Variants in GRIN2B observed in about 807,000 individuals in gnomAD.
GRIN2B encodes the protein glutamate ionotropic receptor NMDA type subunit 2B.
GRIN2B carries 5 observed loss-of-function variants against 114.5 expected under a neutral mutation model. That is an observed-to-expected ratio of 0.04 (90% CI 0.02 to 0.09). The LOEUF is 0.09. GRIN2B is among the 10% of genes least tolerant of loss of function. The probability of loss-of-function intolerance (pLI) is 1.00; values close to 1 mark genes in which losing one functional copy is unlikely to be tolerated. For synonymous variants in GRIN2B, 787 were observed against 745.1 expected, an observed-to-expected ratio of 1.06 and a Z score of -0.92; for missense variants, 1,108 against 1,943.5, an observed-to-expected ratio of 0.57 and a Z score of 8.08.
In GRIN2B at chr12:13,564,445, G is replaced by A; in HGVS notation, c.2793C>T (p.Val931=). Residue 931 remains valine, a synonymous_variant, in exon 14 of 14, where the codon GTC becomes GTT. Transcript: ENST00000609686. This position sits in a 1 kb window ranked among gnomAD's most constrained non-coding sequence, Gnocchi z 4.8. ...ALDFIRRESS[V]YDISEHRRSF... The stretch of plus-strand genomic sequence containing the variant: ...TGCGGCGGTGCTCTGAGATGTCATA[G>A]ACGGATGACTCCCGTCGGATGAAGT... 1 of 1,614,240 alleles carries A rather than the reference G, an allele frequency of 6.2e-7. No homozygotes were observed. The highest frequency in any genetic ancestry group is 8.5e-7 in the Non-Finnish European group (1 of 1,180,032).
intron 8 of GRIN2B, among the ~76,000 whole-genome samples, chr12:13,614,422 T>G (rs2136478398): frequency 6.6e-6 from 1 of 152,246 alleles, no homozygotes; most frequent in Non-Finnish European, 1.5e-5. Flanking sequence ...TTCCAACCCC[T>G]CATTCCATGG....
At position 13,546,329 on chromosome 12, in the gene GRIN2B, A is replaced by G. The variant is rs1295094172; in HGVS notation, c.*16454T>C. On this transcript the variant is annotated 3_prime_UTR_variant, in exon 14 of 14. Coordinates refer to ENST00000609686, the MANE Select transcript of GRIN2B (RefSeq NM_000834.5). ...GAAGAATCGAGCTACAATGCTTATC[A>G]ATGTCTGTCTGGAAGAAAGCCTACG... is the stretch of plus-strand genomic sequence containing the variant. 2.6e-5 allele frequency: 4 copies of G among 152,214 alleles called. No individual in the cohort carries two copies. The highest frequency in any genetic ancestry group is 5.9e-5 in the Non-Finnish European group (4 of 68,030). 9.4% of individuals were successfully genotyped at this position (152,214 alleles called of 1,614,324 possible).
intron 5 of GRIN2B, among the ~76,000 whole-genome samples, 159 bp from the exon 6 acceptor site, chr12:13,616,816 G>A (rs1346350679): frequency 6.6e-6 from 1 of 152,180 alleles, no homozygotes; most frequent in Non-Finnish European, 1.5e-5. Context: ...TAAATCATGT[G>A]CCCCAAATGA....
At chr12:13,599,159 C>A (rs1238139131) in intron 10 of GRIN2B, among the ~76,000 whole-genome samples, 1 of 152,160 alleles carries the variant, frequency 6.6e-6, no homozygotes, top group Admixed American at 6.5e-5. Context: ...GAGTGTCAGC[C>A]ACTTGGTCTT....
At chr12:13,597,335 A>G (rs1049518875) in intron 10 of GRIN2B, among the ~76,000 whole-genome samples, 5 of 152,214 alleles carry the variant, frequency 3.3e-5, no homozygotes, top group Non-Finnish European at 7.3e-5. Context: ...GGGAACCTAA[A>G]GCCAATTAAC....
chr12:13,709,769 T>A (rs1345534965), intron 4 of GRIN2B, among the ~76,000 whole-genome samples: 1 of 152,044 alleles, frequency 6.6e-6, no homozygotes, highest in African/African-American at 2.4e-5. Flanking sequence ...TTCTTCCAGC[T>A]GTCTGATTTC....
chr12:13,926,302 T>G (rs1003634218), intron 2 of GRIN2B, among the ~76,000 whole-genome samples: 1 of 152,154 alleles, frequency 6.6e-6, no homozygotes, highest in Non-Finnish European at 1.5e-5. Flanking sequence ...GTTCGTCACT[T>G]CCAGGTTCAC....
In GRIN2B at chr12:13,538,827, C is replaced by CA. The variant is rs538916973; in HGVS notation, c.*23955dup. 294 of 142,896 alleles carry CA rather than the reference C, an allele frequency of 2.1e-3. 2 individuals are homozygous for CA. The highest frequency in any genetic ancestry group is 0.018 in the South Asian group (79 of 4,476). The allele number at this position is 142,896 out of a possible 1,614,324, so 8.9% of individuals were successfully genotyped here. A position where few individuals can be genotyped will look rare whatever the true frequency, so the allele number is the denominator to read the frequency against. On this transcript the variant is annotated 3_prime_UTR_variant, in exon 14 of 14. Transcript: ENST00000609686. ...AAGACCCTCTTAAAAAACAAACAAA[C>CA]AAAAAAAAAACAAACAAAAAAACAA...
intron 2 of GRIN2B, among the ~76,000 whole-genome samples, chr12:13,969,476 T>C (rs1184275501): frequency 6.6e-6 from 1 of 152,236 alleles, no homozygotes; most frequent in African/African-American, 2.4e-5. Context: ...AGCCTTGTGG[T>C]GAGGATTGAG....
intron 2 of GRIN2B, among the ~76,000 whole-genome samples, chr12:13,899,277 A>C (rs996119493): frequency 6.6e-6 from 1 of 152,200 alleles, no homozygotes; most frequent in African/African-American, 2.4e-5. Flanking sequence ...AAAGAAAGAA[A>C]ACAAAGCACA....
chr12:13,863,576 C>T (rs934970993), intron 3 of GRIN2B, among the ~76,000 whole-genome samples: 1 of 152,150 alleles, frequency 6.6e-6, no homozygotes, highest in Non-Finnish European at 1.5e-5. Flanking sequence ...TCACTTAGGT[C>T]GCTAACTGGT....
rs561067633 is a variant in GRIN2B at position 13,574,336 on chromosome 12, AAAAGT to A, written c.2011-2377_2011-2373del. 3.0e-4 allele frequency among the ~76,000 whole-genome samples: 46 copies of A among 152,368 alleles called. No individual in the cohort carries two copies. The South Asian group carries it at 9.3e-3, about 31-fold the overall frequency. ...TTTGAAGAAAGATATTCCTCAAATC[AAAAGT>A]AGAGTAAATAACTATGGTAGATAGC... On this transcript the variant is annotated intron_variant, in intron 10 of 13. Transcript: ENST00000609686.
chr12:13,774,692 G>A (rs1024342622), intron 3 of GRIN2B, among the ~76,000 whole-genome samples: 1 of 152,144 alleles, frequency 6.6e-6, no homozygotes. Flanking sequence ...CTGGCAAACA[G>A]TTTAGCTTTA....
chr12:13,572,787 C>G (rs1948722934), intron 10 of GRIN2B, among the ~76,000 whole-genome samples: 1 of 152,202 alleles, frequency 6.6e-6, no homozygotes, highest in South Asian at 2.1e-4. Flanking sequence ...ATCTGTCTCT[C>G]TAGGCCAATT....
chr12:13,758,369 C>A (rs1443848172), intron 3 of GRIN2B, among the ~76,000 whole-genome samples: 2 of 152,014 alleles, frequency 1.3e-5, no homozygotes, highest in Admixed American at 6.6e-5. Flanking sequence ...CTTTTCAACA[C>A]CAAAAAGAAA....
At chr12:13,608,904 AG>A in intron 9 of GRIN2B, 72 bp from the exon 10 acceptor site, 2 of 1,060,396 alleles carry the variant, frequency 1.9e-6, no homozygotes, top group Non-Finnish European at 1.5e-6. Flanking sequence ...ACAAATACAC[AG>A]GGTGAGTCCC....
chr12:13,617,827 C>T (rs534694449), intron 5 of GRIN2B, among the ~76,000 whole-genome samples: 15 of 152,276 alleles, frequency 9.9e-5, no homozygotes, highest in South Asian at 8.3e-4. Context: ...TCAAGCAAAT[C>T]GGCTTGGATT....
chr12:13,971,668 A>G (rs999695735), intron 2 of GRIN2B, among the ~76,000 whole-genome samples: 1 of 152,186 alleles, frequency 6.6e-6, no homozygotes, highest in African/African-American at 2.4e-5. Context: ...ACACTGTTAC[A>G]AAGGACCGAA....
rs1555098069 is a variant in GRIN2B, at chr12:13,547,982, T to TATATA, written c.*14800_*14801insTATAT. 1.7e-3 allele frequency: 64 copies of TATATA among 37,114 alleles called. No individual in the cohort carries two copies. Among genetic ancestry groups the TATATA allele is most frequent in the African/African-American group, 3.7e-3 (56 of 15,200 alleles). The allele number at this position is 37,114 out of a possible 1,614,324, so 2.3% of individuals were successfully genotyped here. On this transcript the variant is annotated 3_prime_UTR_variant, in exon 14 of 14. Coordinates refer to ENST00000609686, the MANE Select transcript of GRIN2B (RefSeq NM_000834.5). ...GTGTATATATATATATATATATATA[T>TATATA]TTTTTTTTTTTTTCTGAAAGCTACA...
Sources: allele counts gnomAD v4.1 joint callset (sites outside exome capture counted in the v4.1 genomes callset), GRCh38; gene constraint gnomAD v4.1.1; non-coding constraint Gnocchi (gnomAD v3.1); transcripts MANE v1.5; gene names NCBI Gene and HGNC (gene_info 2026-07-23, HGNC 2026-07-21).